The following S100B variants were observed in gnomAD, a reference collection of about 807,000 sequenced individuals.
The protein encoded by S100B is S100 calcium binding protein B, also known as protein S100-B.
Under a neutral mutation model 7.7 loss-of-function variants are expected in S100B, and 6 were observed. That is an observed-to-expected ratio of 0.78 (90% CI 0.43 to 1.54). The LOEUF (loss-of-function observed/expected upper bound fraction) is 1.54. Among genes scored for constraint, S100B ranks in the 40% most tolerant of loss-of-function variants. S100B has a pLI of 0.01. For synonymous variants in S100B, 36 were observed against 40.4 expected (o/e 0.89, Z 0.41); for missense variants, 99 against 111.8 (o/e 0.89, Z 0.52).
rs1360075409 is a variant in S100B at position 46,599,473 on chromosome 21, CTT to C, written c.167_168del (p.Lys56SerfsTer8). ...CCATCATTGTCCAGTGTTTCCATGA[CTT>C]TGTCCACAACCTCCTGCTCTTTGAT... ...EEIKEQEVVD[K>X]VMETLDNDGD... On this transcript the variant is annotated frameshift_variant, in exon 3 of 3. Transcript: ENST00000291700. LOFTEE classifies it high-confidence loss of function. 6.2e-7 allele frequency: 1 copy of C among 1,614,146 alleles called. No homozygotes were observed. The highest frequency in any genetic ancestry group is 2.2e-5 in the East Asian group (1 of 44,884).
chr21:46,600,104 C>T (rs2330596), intron 2 of S100B, among the ~76,000 whole-genome samples: 1 of 152,174 alleles, frequency 6.6e-6, no homozygotes, highest in South Asian at 2.1e-4. Context: ...GAGGAACAAC[C>T]ACAGTGCAGG....
chr21:46,601,256 G>C (rs1471942441), intron 2 of S100B, among the ~76,000 whole-genome samples: 1 of 152,184 alleles, frequency 6.6e-6, no homozygotes, highest in Non-Finnish European at 1.5e-5. Context: ...TATTTATCCT[G>C]GAATAGGGCT....
intron 2 of S100B, among the ~76,000 whole-genome samples, chr21:46,600,546 A>G (rs1346806386): frequency 6.6e-6 from 1 of 152,184 alleles, no homozygotes; most frequent in African/African-American, 2.4e-5. Flanking sequence ...CCTTATCTCA[A>G]AAACTAAAAA....
chr21:46,603,569 G>A (rs572388264), intron 1 of S100B, among the ~76,000 whole-genome samples: 17 of 152,296 alleles, frequency 1.1e-4, no homozygotes, highest in South Asian at 2.1e-4. Flanking sequence ...AAACAGATGC[G>A]CAGTCAGAGA....
Position 46,602,423 on chromosome 21 carries a change from G to T in S100B, c.-1-7C>A, listed in dbSNP as rs575081669. 13 of 1,609,880 alleles carry T rather than the reference G, an allele frequency of 8.1e-6. No homozygotes were observed. Among genetic ancestry groups the T allele is most frequent in the African/African-American group, 8.0e-5 (6 of 74,642 alleles). On this transcript the variant is annotated splice_region_variant and splice_polypyrimidine_tract_variant and intron_variant, in intron 1 of 2. Transcript: ENST00000291700. Reference sequence around the variant, plus strand: ...CTTCTCCAGCTCAGACATCCTAGGGGCTCGCAAAGGAAAGTTGCCTTCTCA... The same window carrying T: ...CTTCTCCAGCTCAGACATCCTAGGGTCTCGCAAAGGAAAGTTGCCTTCTCA...
Position 46,599,069 on chromosome 21 carries a change from G to A in S100B, c.*294C>T, listed in dbSNP as rs183175112. 1.2e-3 allele frequency: 441 copies of A among 379,172 alleles called. 2 individuals carry two copies. Among genetic ancestry groups the A allele is most frequent in the African/African-American group, 8.3e-3 (397 of 47,640 alleles). 23.5% of individuals were successfully genotyped at this position (379,172 alleles called of 1,614,324 possible). ...GGGTTAGGGTCTACACGGCCATGGC[G>A]GGCTGCACGGTGCACGCTTTATCAC... On this transcript the variant is annotated 3_prime_UTR_variant, in exon 3 of 3. Coordinates refer to ENST00000291700, the MANE Select transcript of S100B (RefSeq NM_006272.3).
rs1238568289 is a variant in S100B, at chr21:46,599,412, A to C, written c.230T>G (p.Phe77Cys). ...GCAGGCAGTAGTAACCATGGCAACAAAGGCCATGAATTCCTGGAAGTCACA... is the reference window on the plus strand; with the variant it reads ...GCAGGCAGTAGTAACCATGGCAACACAGGCCATGAATTCCTGGAAGTCACA... ...GECDFQEFMA[F>C]VAMVTTACHE... Residue 77 changes from phenylalanine to cysteine, a missense_variant, in exon 3 of 3, where the codon TTT becomes TGT. Transcript: ENST00000291700. 4 of 1,613,676 alleles carry C rather than the reference A, an allele frequency of 2.5e-6. No individual in the cohort carries two copies. The African/African-American group carries it at 5.3e-5, about 22-fold the overall frequency.
At chr21:46,604,579 C>T (rs780758975) in intron 1 of S100B, among the ~76,000 whole-genome samples, 9 of 152,002 alleles carry the variant, frequency 5.9e-5, no homozygotes, top group African/African-American at 4.8e-5. Flanking sequence ...TTACCCAGGG[C>T]GGTGGAAGAA....
chr21:46,602,280 C>G lies in S100B; in HGVS notation c.136G>C (p.Glu46Gln). The G allele has an allele frequency of 6.2e-7, 1 of 1,613,164 alleles. No individual in the cohort carries two copies. The highest frequency in any genetic ancestry group is 1.7e-5 in the Admixed American group (1 of 59,810). Residue 46 changes from glutamate (E) to glutamine (Q), a missense_variant and splice_region_variant, in exon 2 of 3, where the codon GAG becomes CAG. Coordinates refer to ENST00000291700, the MANE Select transcript of S100B (RefSeq NM_006272.3). ...LINNELSHFL[E>Q]EIKEQEVVDK... ...CAAGTTTAAAAAGCAAGACTCACCTCTAAGAAATGGGAAAGCTCATTGTTG... is the reference window on the plus strand; with the variant it reads ...CAAGTTTAAAAAGCAAGACTCACCTGTAAGAAATGGGAAAGCTCATTGTTG...
chr21:46,600,167 A>G (rs1353951342), intron 2 of S100B: 2 of 287,544 alleles, frequency 7.0e-6, no homozygotes, highest in Middle Eastern at 4.8e-4. Flanking sequence ...GAAGAGCATA[A>G]ATGCAGAGTA....
At chr21:46,601,742 T>C (rs9984765) in intron 2 of S100B, among the ~76,000 whole-genome samples, 41,549 of 152,100 alleles carry the variant, frequency 0.27, 6,046 homozygotes, top group African/African-American at 0.36. Context: ...CCCTGTCACG[T>C]CCTCAGTTAA....
Position 46,599,389 on chromosome 21 carries a change from A to C in S100B, c.253T>G (p.Cys85Gly), listed in dbSNP as rs1463200304. The C allele has an allele frequency of 1.9e-6, 3 of 1,614,000 alleles. No individual in the cohort carries two copies. Among genetic ancestry groups the C allele is most frequent in the Non-Finnish European group, 2.5e-6 (3 of 1,179,940 alleles). ...MAFVAMVTTA[C>G]HEFFEHE ...CACTCATGTTCAAAGAACTCGTGGC[A>C]GGCAGTAGTAACCATGGCAACAAAG... The change falls in exon 3 of 3, where the codon TGC becomes GGC. Residue 85 changes from cysteine (C) to glycine (G), a missense_variant. Physicochemically the swap from Cys to Gly is radical, Grantham distance 159. Transcript: ENST00000291700.
At chr21:46,601,529 A>G (rs1228106438) in intron 2 of S100B, among the ~76,000 whole-genome samples, 2 of 152,180 alleles carry the variant, frequency 1.3e-5, no homozygotes, top group African/African-American at 4.8e-5. Context: ...GACGGTGGGT[A>G]GGAAAATGAG....
At chr21:46,602,749 G>T in intron 1 of S100B, 1 of 209,332 alleles carries the variant, frequency 4.8e-6, no homozygotes, top group Admixed American at 5.3e-5. Flanking sequence ...GGGAATTCAG[G>T]GATTAATTTC....
At chr21:46,601,911 C>A (rs1459040089) in intron 2 of S100B, among the ~76,000 whole-genome samples, 1 of 152,268 alleles carries the variant, frequency 6.6e-6, no homozygotes, top group Non-Finnish European at 1.5e-5. Flanking sequence ...TACTAAACTT[C>A]TAGCTAAAGC....
At chr21:46,603,788 G>C (rs2061049985) in intron 1 of S100B, among the ~76,000 whole-genome samples, 1 of 152,154 alleles carries the variant, frequency 6.6e-6, no homozygotes, top group Non-Finnish European at 1.5e-5. Context: ...ATACTGGCCA[G>C]ATCTTTGCTA....
chr21:46,600,188 G>A (rs41387548), intron 2 of S100B: 6,627 of 287,430 alleles, frequency 0.023, 430 homozygotes, highest in African/African-American at 0.14. Context: ...ACAATTCTCC[G>A]GGATAGGAAG....
At chr21:46,604,926 A>G (rs574461637) in intron 1 of S100B, 87 bp downstream of exon 1, 29 of 152,392 alleles carry the variant, frequency 1.9e-4, no homozygotes, top group African/African-American at 7.0e-4. Flanking sequence ...TTAAGCTACC[A>G]CTTAGTTTCT....
chr21:46,600,145 T>G (rs2061037476), intron 2 of S100B: 1 of 256,910 alleles, frequency 3.9e-6, no homozygotes, highest in Non-Finnish European at 7.7e-6. Flanking sequence ...AATTTGGGTA[T>G]TGAACACTGA....
Sources: allele counts gnomAD v4.1 joint callset (sites outside exome capture counted in the v4.1 genomes callset), GRCh38; gene constraint gnomAD v4.1.1; transcripts MANE v1.5; gene names NCBI Gene and HGNC (gene_info 2026-07-23, HGNC 2026-07-21).